Variants in HERPUD2 observed in about 807,000 individuals in gnomAD.
HERPUD2 encodes the protein homocysteine-responsive endoplasmic reticulum-resident ubiquitin-like domain member 2 protein.
HERPUD2 carries 13 observed loss-of-function variants against 49.9 expected under a neutral mutation model. That is an observed-to-expected ratio of 0.26 (90% CI 0.17 to 0.41). HERPUD2 has a LOEUF of 0.41. Among genes scored for constraint, HERPUD2 ranks in the 10% least tolerant of loss-of-function variants. The pLI is 1.00. For synonymous variants in HERPUD2, 172 were observed against 171.4 expected, an observed-to-expected ratio of 1.00 and a Z score of -0.03; for missense variants, 449 against 492.2, an observed-to-expected ratio of 0.91 and a Z score of 0.83.
Position 35,632,881 on chromosome 7 carries a change from G to T in HERPUD2, c.*809C>A, listed in dbSNP as rs933444405. The stretch of plus-strand genomic sequence containing the variant: ...ATATCAAAATTAAGATTATTGAGAA[G>T]TTTATTGCTTTATGGCTGGGCAAGA... On this transcript the variant is annotated 3_prime_UTR_variant, in exon 9 of 9. Coordinates refer to ENST00000311350, the MANE Select transcript of HERPUD2 (RefSeq NM_022373.5). 1 of 152,410 alleles carries T rather than the reference G, an allele frequency of 6.6e-6. No individual in the cohort carries two copies. Among genetic ancestry groups the T allele is most frequent in the East Asian group, 1.9e-4 (1 of 5,200 alleles). 9.4% of individuals were successfully genotyped at this position (152,410 alleles called of 1,614,324 possible). A position where few individuals can be genotyped will look rare whatever the true frequency, so the allele number is the denominator to read the frequency against.
rs1785611854 is a variant in HERPUD2 at position 35,670,118 on chromosome 7, A to G, written c.339+97T>C. The G allele has an allele frequency of 9.4e-6, 5 of 534,718 alleles. No individual in the cohort carries two copies. The East Asian group carries it at 1.2e-4, about 13-fold the overall frequency. The allele number at this position is 534,718 out of a possible 1,614,324, so 33.1% of individuals were successfully genotyped here. A position where few individuals can be genotyped will look rare whatever the true frequency, so the allele number is the denominator to read the frequency against. ...ACAATCTCAAAATTCACAAGCTCCA[A>G]TTGTTCTGTTTTTCATTTAGTTTTT... On this transcript the variant is annotated intron_variant, in intron 4 of 8. Coordinates refer to ENST00000311350, the MANE Select transcript of HERPUD2 (RefSeq NM_022373.5).
At chr7:35,652,806 C>A (rs1406715910) in intron 5 of HERPUD2, among the ~76,000 whole-genome samples, 1 of 151,998 alleles carries the variant, frequency 6.6e-6, no homozygotes, top group Non-Finnish European at 1.5e-5. Context: ...GAAATAAAGT[C>A]TTTCCCAGAC....
chr7:35,667,361 A>T, intron 5 of HERPUD2, 73 bp downstream of exon 5: 1 of 1,302,638 alleles, frequency 7.7e-7, no homozygotes. Context: ...CAAAGAGGCT[A>T]TAGTGAAACT....
chr7:35,646,975 GA>G (rs928587255), intron 5 of HERPUD2, among the ~76,000 whole-genome samples: 1 of 144,016 alleles, frequency 6.9e-6, no homozygotes, highest in East Asian at 1.9e-4. Flanking sequence ...TAGAAATTAT[GA>G]AAAAAAAACC....
intron 2 of HERPUD2, among the ~76,000 whole-genome samples, chr7:35,677,461 C>T (rs1785788095): frequency 6.6e-6 from 1 of 152,002 alleles, no homozygotes; most frequent in African/African-American, 2.4e-5. Flanking sequence ...TAGCATCCTG[C>T]AATAAGGAGA....
In HERPUD2 at chr7:35,673,264, C is replaced by G. The variant is rs569267917; in HGVS notation, c.162G>C (p.Gln54His). The G allele has an allele frequency of 6.2e-7, 1 of 1,610,066 alleles. No homozygotes were observed. The highest frequency in any genetic ancestry group is 1.3e-5 in the African/African-American group (1 of 74,932). Residue 54 changes from glutamine to histidine, a missense_variant, in exon 3 of 9, where the codon CAG (glutamine) becomes CAC (histidine). By Grantham distance (24) the Gln-to-His change is conservative. Coordinates refer to ENST00000311350, the MANE Select transcript of HERPUD2 (RefSeq NM_022373.5). ...GCAGTCTGCCCGAATACACCAATCT[C>G]TGATCCTTCGTCAACTAAGAAATGG... is the stretch of plus-strand genomic sequence containing the variant. The part of the protein sequence containing the change: ...VYPSKPLTKD[Q>H]RLVYSGRLLP...
At chr7:35,682,543 T>C (rs1215970590) in intron 2 of HERPUD2, among the ~76,000 whole-genome samples, 7 of 151,060 alleles carry the variant, frequency 4.6e-5, no homozygotes, top group South Asian at 2.1e-4. Flanking sequence ...CTTTCCAACA[T>C]AGTACTCTAA....
At chr7:35,684,118 G>A (rs1237653776) in intron 2 of HERPUD2, among the ~76,000 whole-genome samples, 5 of 152,232 alleles carry the variant, frequency 3.3e-5, no homozygotes, top group African/African-American at 1.2e-4. Flanking sequence ...CAGACACGGT[G>A]CCTCATGCCT....
chr7:35,633,837 A>T lies in HERPUD2; in HGVS notation c.1074T>A (p.Asp358Glu), dbSNP rs957725508. ...CTCCACTCTCATCTTCAAGCCCATC[A>T]TCCATAAGACGCTCCTTTCAAGCAA... ...LELEEMERLM[D>E]DGLEDESGED... Residue 358 changes from aspartate (D) to glutamate (E), a missense_variant, in exon 9 of 9, where the codon GAT becomes GAA. Transcript: ENST00000311350. 14 of 1,613,708 alleles carry T rather than the reference A, an allele frequency of 8.7e-6. No individual in the cohort carries two copies. Among genetic ancestry groups the T allele is most frequent in the African/African-American group, 4.0e-5 (3 of 74,916 alleles).
chr7:35,681,378 T>A (rs1785887891), intron 2 of HERPUD2, among the ~76,000 whole-genome samples: 1 of 152,072 alleles, frequency 6.6e-6, no homozygotes, highest in Admixed American at 6.5e-5. Flanking sequence ...TGTAAATGGG[T>A]TCAGCCACTG....
At chr7:35,653,179 A>C (rs1296807774) in intron 5 of HERPUD2, among the ~76,000 whole-genome samples, 2 of 152,202 alleles carry the variant, frequency 1.3e-5, no homozygotes, top group Non-Finnish European at 2.9e-5. Flanking sequence ...CATGCTGCCT[A>C]CAAGAAATTC....
chr7:35,685,451 G>A (rs965526152), intron 2 of HERPUD2, among the ~76,000 whole-genome samples: 2 of 151,202 alleles, frequency 1.3e-5, no homozygotes, highest in African/African-American at 4.9e-5. Context: ...AGCCTCCCGA[G>A]TAGCTGGGAT....
intron 5 of HERPUD2, among the ~76,000 whole-genome samples, chr7:35,653,004 TGAGA>T: frequency 6.6e-6 from 1 of 151,430 alleles, no homozygotes. Flanking sequence ...AAAAACAACA[TGAGA>T]GAAAGAAAGG....
At chr7:35,650,819 G>A (rs1370915461) in intron 5 of HERPUD2, among the ~76,000 whole-genome samples, 2 of 152,078 alleles carry the variant, frequency 1.3e-5, no homozygotes, top group African/African-American at 2.4e-5. Context: ...TGCATCTCCC[G>A]AGCACTGTAC....
chr7:35,693,610 T>C (rs1230483436), intron 2 of HERPUD2, among the ~76,000 whole-genome samples: 1 of 152,084 alleles, frequency 6.6e-6, no homozygotes, highest in Admixed American at 6.5e-5. Flanking sequence ...GTTGATGACT[T>C]TAAGTCCAAA....
chr7:35,659,674 G>A (rs938985622), intron 5 of HERPUD2, among the ~76,000 whole-genome samples: 1 of 152,078 alleles, frequency 6.6e-6, no homozygotes, highest in African/African-American at 2.4e-5. Context: ...TCAAACCCAG[G>A]CAGGCTGGCT....
intron 5 of HERPUD2, among the ~76,000 whole-genome samples, chr7:35,649,957 CGG>C: frequency 6.6e-6 from 1 of 152,142 alleles, no homozygotes; most frequent in East Asian, 1.9e-4. Context: ...ATGGAGTTTC[CGG>C]GCTAAGAGGA....
At chr7:35,647,867 T>A (rs777772476) in intron 5 of HERPUD2, among the ~76,000 whole-genome samples, 1 of 152,234 alleles carries the variant, frequency 6.6e-6, no homozygotes, top group African/African-American at 2.4e-5. Context: ...AAGGCACATA[T>A]AGGTGCTTAA....
At chr7:35,638,045 C>A (rs1583535990) in intron 6 of HERPUD2, among the ~76,000 whole-genome samples, 1 of 152,204 alleles carries the variant, frequency 6.6e-6, no homozygotes, top group South Asian at 2.1e-4. Context: ...TATTCCTTTA[C>A]TCATTTGACT....
Sources: allele counts gnomAD v4.1 joint callset (sites outside exome capture counted in the v4.1 genomes callset), GRCh38; gene constraint gnomAD v4.1.1; transcripts MANE v1.5; gene names NCBI Gene and HGNC (gene_info 2026-07-23, HGNC 2026-07-21).